The following SERPINI1 variants were observed in gnomAD, a reference collection of about 807,000 sequenced individuals.
SERPINI1 encodes serpin family I member 1.
SERPINI1 carries 19 observed loss-of-function variants against 41.1 expected under a neutral mutation model. That is an observed-to-expected ratio of 0.46 (90% CI 0.32 to 0.68). The LOEUF (loss-of-function observed/expected upper bound fraction) is 0.68. Among genes scored for constraint, SERPINI1 ranks in the 30% least tolerant of loss-of-function variants. The pLI is 0.03. For synonymous variants in SERPINI1, 138 were observed against 156.6 expected (o/e 0.88, Z 0.89); for missense variants, 460 against 479.2 (o/e 0.96, Z 0.37).
At chr3:167,746,221 G>T (rs1725859850) in intron 1 of SERPINI1, among the ~76,000 whole-genome samples, 1 of 152,106 alleles carries the variant, frequency 6.6e-6, no homozygotes, top group Non-Finnish European at 1.5e-5. Flanking sequence ...GAGGCAACTG[G>T]ATATCTACAT....
chr3:167,815,097 G>A (rs1022679927), intron 6 of SERPINI1, among the ~76,000 whole-genome samples: 1 of 152,208 alleles, frequency 6.6e-6, no homozygotes, highest in African/African-American at 2.4e-5. Flanking sequence ...ACCCGGCAGT[G>A]TGCAAGGTGT....
intron 7 of SERPINI1, 140 bp from the exon 8 acceptor site, chr3:167,824,333 C>T: frequency 3.3e-6 from 2 of 604,598 alleles, no homozygotes; most frequent in South Asian, 4.6e-5. Flanking sequence ...TATAATTTTT[C>T]TCCAGTTAAG....
At chr3:167,793,804 G>GTATATATATATATA (rs372689407) in intron 4 of SERPINI1, among the ~76,000 whole-genome samples, 1 of 146,328 alleles carries the variant, frequency 6.8e-6, no homozygotes, top group African/African-American at 2.6e-5. Flanking sequence ...TATATACTGT[G>GTATATATATATATA]TGTATATATA....
intron 8 of SERPINI1, among the ~76,000 whole-genome samples, chr3:167,825,038 GC>G (rs1712467083): frequency 6.6e-6 from 1 of 151,052 alleles, no homozygotes; most frequent in Admixed American, 6.6e-5. Flanking sequence ...CAGAGCAAGA[GC>G]CTTTCTCTAG....
In SERPINI1 at chr3:167,815,646, T is replaced by C. The variant is rs546283646; in HGVS notation, c.980-7340T>C. Among the ~76,000 whole-genome samples, 20 of 152,294 alleles carry C rather than the reference T, an allele frequency of 1.3e-4. No individual in the cohort carries two copies. In the East Asian group the frequency reaches 3.5e-3, roughly 26 times the overall value. On this transcript the variant is annotated intron_variant, in intron 6 of 8. Transcript: ENST00000446050. ...CTCAAGTGATCTGCCTGCCTCAGCC[T>C]CCCAAAGTGCTGGGATTACAGGTGT...
intron 1 of SERPINI1, among the ~76,000 whole-genome samples, chr3:167,784,970 T>C (rs1217437686): frequency 6.6e-6 from 1 of 152,132 alleles, no homozygotes; most frequent in Non-Finnish European, 1.5e-5. Context: ...GCCCCAAGCA[T>C]GGTGGCTCAC....
chr3:167,739,301 C>T (rs1725589646), intron 1 of SERPINI1, among the ~76,000 whole-genome samples: 1 of 152,018 alleles, frequency 6.6e-6, no homozygotes, highest in South Asian at 2.1e-4. Flanking sequence ...GAATTAGAAC[C>T]ATTGGACATT....
chr3:167,788,530 G>A (rs1727388641), intron 1 of SERPINI1, among the ~76,000 whole-genome samples: 1 of 152,156 alleles, frequency 6.6e-6, no homozygotes, highest in African/African-American at 2.4e-5. Context: ...ACCAATACGT[G>A]AGGAACAATC....
chr3:167,806,314 T>A (rs990865259), intron 5 of SERPINI1, among the ~76,000 whole-genome samples: 1 of 151,630 alleles, frequency 6.6e-6, no homozygotes, highest in African/African-American at 2.4e-5. Context: ...ACACACTGGG[T>A]CCTGTCTGAG....
At chr3:167,791,472 T>C (rs1439668189) in intron 3 of SERPINI1, among the ~76,000 whole-genome samples, 2 of 152,182 alleles carry the variant, frequency 1.3e-5, no homozygotes, top group African/African-American at 4.8e-5. Context: ...TTTTGTCATA[T>C]GTTTTTTATC....
At chr3:167,810,088 A>G (rs1380090646) in intron 6 of SERPINI1, among the ~76,000 whole-genome samples, 3 of 152,130 alleles carry the variant, frequency 2.0e-5, no homozygotes, top group African/African-American at 7.2e-5. Flanking sequence ...TGAATCATTC[A>G]TTCAAAAATT....
intron 6 of SERPINI1, among the ~76,000 whole-genome samples, chr3:167,819,278 T>G (rs929814385): frequency 6.6e-6 from 1 of 152,186 alleles, no homozygotes; most frequent in Non-Finnish European, 1.5e-5. Context: ...CTTCCCTGAG[T>G]GCTGGGATAA....
intron 1 of SERPINI1, among the ~76,000 whole-genome samples, chr3:167,771,847 G>GTGTGTA (rs10658292): frequency 5.5e-4 from 83 of 149,808 alleles, no homozygotes; most frequent in African/African-American, 2.1e-3. Flanking sequence ...GTGTGTGTGT[G>GTGTGTA]CGCGCACGCG....
chr3:167,744,675 TA>T (rs1254232732), intron 1 of SERPINI1, among the ~76,000 whole-genome samples: 3 of 107,518 alleles, frequency 2.8e-5, no homozygotes, highest in South Asian at 2.4e-4. Context: ...AATATATATA[TA>T]AATATATATA....
intron 1 of SERPINI1, among the ~76,000 whole-genome samples, chr3:167,777,408 A>G (rs939733403): frequency 6.6e-6 from 1 of 152,328 alleles, no homozygotes; most frequent in Non-Finnish European, 1.5e-5. Context: ...AAGAGGATTG[A>G]CCAGAGATTT....
intron 1 of SERPINI1, among the ~76,000 whole-genome samples, chr3:167,744,698 A>T (rs1184873247): frequency 7.0e-5 from 9 of 128,434 alleles, no homozygotes; most frequent in African/African-American, 2.5e-4. Flanking sequence ...AAACATATAT[A>T]AATATATATA....
chr3:167,806,440 C>T (rs1404412486), intron 5 of SERPINI1, among the ~76,000 whole-genome samples: 1 of 151,954 alleles, frequency 6.6e-6, no homozygotes, highest in Non-Finnish European at 1.5e-5. Flanking sequence ...ACATGTATAC[C>T]TATGTAACAA....
intron 6 of SERPINI1, among the ~76,000 whole-genome samples, chr3:167,813,621 T>C (rs1711967928): frequency 6.6e-6 from 1 of 152,168 alleles, no homozygotes; most frequent in Admixed American, 6.5e-5. Context: ...CCTTCCTAAA[T>C]GGTTTACTTT....
At chr3:167,757,391 C>T (rs1361751295) in intron 1 of SERPINI1, among the ~76,000 whole-genome samples, 2 of 152,032 alleles carry the variant, frequency 1.3e-5, no homozygotes, top group East Asian at 3.9e-4. Context: ...TTAATATGAT[C>T]TCCTTGGTGT....
Sources: allele counts gnomAD v4.1 joint callset (sites outside exome capture counted in the v4.1 genomes callset), GRCh38; gene constraint gnomAD v4.1.1; transcripts MANE v1.5; gene names NCBI Gene and HGNC (gene_info 2026-07-23, HGNC 2026-07-21).